Variants in NIPBL observed in about 807,000 individuals in gnomAD.
The protein encoded by NIPBL is NIPBL cohesin loading factor.
Under a neutral mutation model 321.8 loss-of-function variants are expected in NIPBL, and 19 were observed. The ratio of observed to expected loss-of-function variants is 0.06; its 90% confidence interval spans 0.04 to 0.09. The LOEUF is 0.09. NIPBL is among the 10% of genes least tolerant of loss of function. NIPBL has a pLI of 1.00. For missense variants in NIPBL, 2,210 were observed against 3,327.0 expected (o/e 0.66, Z 8.26); for synonymous variants, 1,106 against 1,114.1 (o/e 0.99, Z 0.14).
At chr5:36,938,137 C>T (rs1738648377) in intron 1 of NIPBL, among the ~76,000 whole-genome samples, 1 of 152,124 alleles carries the variant, frequency 6.6e-6, no homozygotes, top group Admixed American at 6.6e-5. Context: ...TGACCAAAGG[C>T]TTGAATAGCA....
intron 1 of NIPBL, among the ~76,000 whole-genome samples, chr5:36,931,414 C>G (rs182331938): frequency 6.6e-5 from 10 of 152,014 alleles, no homozygotes; most frequent in African/African-American, 2.2e-4. Flanking sequence ...GCCTCCTAGG[C>G]TCAAGTGATC....
intron 46 of NIPBL, 113 bp from the exon 47 acceptor site, chr5:37,064,414 G>T: frequency 6.4e-7 from 1 of 1,557,752 alleles, no homozygotes; most frequent in South Asian, 1.2e-5. Flanking sequence ...ATGGAAGTGT[G>T]CCGGGAAATC....
intron 32 of NIPBL, among the ~76,000 whole-genome samples, chr5:37,028,685 A>G (rs972052527): frequency 6.6e-5 from 10 of 152,124 alleles, no homozygotes; most frequent in Admixed American, 5.9e-4. Flanking sequence ...TATCTCATTC[A>G]TAAATACTTT....
intron 42 of NIPBL, among the ~76,000 whole-genome samples, chr5:37,055,073 G>A (rs1035740135): frequency 4.6e-5 from 7 of 152,288 alleles, no homozygotes; most frequent in African/African-American, 1.7e-4. Context: ...TAGAGGCTGG[G>A]TGTGGTGCCT....
At chr5:37,018,853 C>T (rs948041121) in intron 24 of NIPBL, among the ~76,000 whole-genome samples, 12 of 152,222 alleles carry the variant, frequency 7.9e-5, no homozygotes, top group African/African-American at 2.9e-4. Flanking sequence ...GGCGCAGTGG[C>T]TTACACCTGT....
At chr5:37,063,695 C>A (rs750902587) in intron 45 of NIPBL, 95 bp from the exon 46 acceptor site, 24 of 1,247,530 alleles carry the variant, frequency 1.9e-5, no homozygotes, top group Non-Finnish European at 2.7e-5. Flanking sequence ...CTGTTTCACC[C>A]ACACCAAACT....
intron 1 of NIPBL, among the ~76,000 whole-genome samples, chr5:36,952,073 CAT>C (rs1561070519): frequency 1.8e-4 from 22 of 122,732 alleles, no homozygotes; most frequent in Admixed American, 3.3e-4. Context: ...CGCGCGCGCG[CAT>C]GTGTGTGTGT....
chr5:36,921,284 A>T (rs897257980), intron 1 of NIPBL, among the ~76,000 whole-genome samples: 6 of 152,158 alleles, frequency 3.9e-5, no homozygotes, highest in African/African-American at 1.4e-4. Flanking sequence ...AATAGAGTGG[A>T]TGTAAAAATC....
chr5:37,042,899 G>GCA (rs70976273), intron 34 of NIPBL, among the ~76,000 whole-genome samples: 9,523 of 144,816 alleles, frequency 0.066, 644 homozygotes, highest in African/African-American at 0.17. Flanking sequence ...ACACACGCGC[G>GCA]CACACACACA....
chr5:36,883,050 G>A (rs1397583652), intron 1 of NIPBL, among the ~76,000 whole-genome samples: 2 of 151,752 alleles, frequency 1.3e-5, no homozygotes, highest in Non-Finnish European at 3.0e-5. Flanking sequence ...TTTGGCAAAA[G>A]CTATTCTCAG....
chr5:36,899,494 G>C (rs779279006), intron 1 of NIPBL, among the ~76,000 whole-genome samples: 1 of 152,060 alleles, frequency 6.6e-6, no homozygotes, highest in Non-Finnish European at 1.5e-5. Flanking sequence ...TAATGAGTTT[G>C]GTTTGTTGAC....
intron 19 of NIPBL, among the ~76,000 whole-genome samples, chr5:37,008,372 T>C (rs1747692750): frequency 6.6e-6 from 1 of 152,144 alleles, no homozygotes; most frequent in African/African-American, 2.4e-5. Context: ...AAAGTTAGAA[T>C]GGTTTAAAAT....
chr5:36,958,776 G>A (rs889157530), intron 4 of NIPBL, among the ~76,000 whole-genome samples: 3 of 152,088 alleles, frequency 2.0e-5, no homozygotes, highest in Admixed American at 1.3e-4. Context: ...GTACCTTTGG[G>A]TTAAGAGCAT....
intron 1 of NIPBL, among the ~76,000 whole-genome samples, chr5:36,927,971 C>T (rs1030793329): frequency 8.6e-5 from 13 of 151,962 alleles, no homozygotes; most frequent in African/African-American, 2.2e-4. Context: ...CATGAGCCAC[C>T]ATGCCCGGCT....
intron 6 of NIPBL, among the ~76,000 whole-genome samples, chr5:36,966,976 A>G (rs528745263): frequency 2.4e-4 from 36 of 152,178 alleles, no homozygotes; most frequent in African/African-American, 8.4e-4. Context: ...GATTAATTAT[A>G]AATTTGTATA....
At chr5:36,927,884 C>T (rs1749485260) in intron 1 of NIPBL, among the ~76,000 whole-genome samples, 1 of 152,068 alleles carries the variant, frequency 6.6e-6, no homozygotes, top group South Asian at 2.1e-4. Flanking sequence ...ACGGGTTTCG[C>T]CATGTTGGCC....
intron 42 of NIPBL, 151 bp from the exon 43 acceptor site, chr5:37,057,035 G>A (rs1754168764): frequency 2.8e-6 from 2 of 712,566 alleles, no homozygotes; most frequent in African/African-American, 1.8e-5. Context: ...CTGTCTCTCT[G>A]TGTCTCTCCC....
At chr5:36,986,510 A>G (rs1241483303) in intron 10 of NIPBL, among the ~76,000 whole-genome samples, 3 of 152,062 alleles carry the variant, frequency 2.0e-5, no homozygotes, top group Admixed American at 2.0e-4. Context: ...CTTCCCACCC[A>G]CTACTCAAGG....
At chr5:37,045,709 A>T in intron 37 of NIPBL, 112 bp downstream of exon 37, 1 of 1,170,496 alleles carries the variant, frequency 8.5e-7, no homozygotes, top group Non-Finnish European at 1.3e-6. Flanking sequence ...GTCTGGTTTA[A>T]TGAAAATTCT....
Sources: allele counts gnomAD v4.1 joint callset (sites outside exome capture counted in the v4.1 genomes callset), GRCh38; gene constraint gnomAD v4.1.1; transcripts MANE v1.5; gene names NCBI Gene and HGNC (gene_info 2026-07-23, HGNC 2026-07-21).